The following LCE1B variants were observed in gnomAD, a reference collection of about 807,000 sequenced individuals.
LCE1B encodes late cornified envelope protein 1B.
For missense variants in LCE1B, 151 were observed against 147.2 expected (o/e 1.03, Z -0.14); for synonymous variants, 56 against 55.9 (o/e 1.00, Z -0.01).
rs754226129 is a variant in LCE1B at position 152,812,537 on chromosome 1, C to T, written c.91C>T (p.Pro31Ser). 6.2e-7 allele frequency: 1 copy of T among 1,614,056 alleles called. No individual in the cohort carries two copies. Among genetic ancestry groups the T allele is most frequent in the Non-Finnish European group, 8.5e-7 (1 of 1,180,000 alleles). The change falls in exon 1 of 1, where the codon CCA becomes TCA. Residue 31 changes from proline (P) to serine (S), a missense_variant. Coordinates refer to ENST00000360090, the MANE Select transcript of LCE1B (RefSeq NM_178349.2). ...CAAGTGCCTCACCCCTAGATGCCCCCCAAAGTGTCCCCCTAAGTGTCCTCC... is the reference window on the plus strand; with the variant it reads ...CAAGTGCCTCACCCCTAGATGCCCCTCAAAGTGTCCCCCTAAGTGTCCTCC... ...PPKCLTPRCP[P>S]KCPPKCPPVS...
chr1:152,812,876 G>T lies in LCE1B; in HGVS notation c.*73G>T. ...CCGTCTTCCTTCTCCTTCTGGGCCT[G>T]CCCATGTTGTTGAGAGGTCTTGGTG... On this transcript the variant is annotated 3_prime_UTR_variant, in exon 1 of 1. Transcript: ENST00000360090. The T allele has an allele frequency of 1.3e-6, 2 of 1,500,498 alleles. No individual in the cohort carries two copies. The highest frequency in any genetic ancestry group is 1.8e-6 in the Non-Finnish European group (2 of 1,116,892). The allele number at this position is 1,500,498 out of a possible 1,614,324, so 92.9% of individuals were successfully genotyped here.
chr1:152,812,330 C>A lies in LCE1B; in HGVS notation c.-117C>A. 2 of 978,268 alleles carry A rather than the reference C, an allele frequency of 2.0e-6. No individual in the cohort carries two copies. The highest frequency in any genetic ancestry group is 3.2e-6 in the Non-Finnish European group (2 of 615,406). The allele number at this position is 978,268 out of a possible 1,614,324, so 60.6% of individuals were successfully genotyped here. On this transcript the variant is annotated 5_prime_UTR_variant, in exon 1 of 1. Coordinates refer to ENST00000360090, the MANE Select transcript of LCE1B (RefSeq NM_178349.2). Reference sequence around the variant, plus strand: ...TTAGCTACAACTACACTAAGCAGTTCATCAAAATGTAGGGATTAGAAATGA... The same window carrying A: ...TTAGCTACAACTACACTAAGCAGTTAATCAAAATGTAGGGATTAGAAATGA...
In LCE1B at chr1:152,812,520, T is replaced by A; in HGVS notation, c.74T>A (p.Leu25His). Residue 25 changes from leucine (L) to histidine (H), a missense_variant, in exon 1 of 1, where the codon CTC becomes CAC. Transcript: ENST00000360090. ...ATCCCCAAGTGCCCTCCCAAGTGCC[T>A]CACCCCTAGATGCCCCCCAAAGTGT... ...KCIPKCPPKCLTPRCPPKCPP... is the reference protein window; with the variant it reads ...KCIPKCPPKCHTPRCPPKCPP... 1 of 1,613,792 alleles carries A rather than the reference T, an allele frequency of 6.2e-7. No individual in the cohort carries two copies. The highest frequency in any genetic ancestry group is 8.5e-7 in the Non-Finnish European group (1 of 1,179,980).
rs1166463922 is a variant in LCE1B, at chr1:152,813,094, C to G, written c.*291C>G. ...TCAGCCTGATGTGAAACAATAAAAC[C>G]AGAAATATGCATTCCTTTTTGCCTT... On this transcript the variant is annotated 3_prime_UTR_variant, in exon 1 of 1. Transcript: ENST00000360090. The G allele has an allele frequency of 4.8e-6, 2 of 420,180 alleles. No individual in the cohort carries two copies. The highest frequency in any genetic ancestry group is 6.7e-5 in the South Asian group (1 of 14,888). 26.0% of individuals were successfully genotyped at this position (420,180 alleles called of 1,614,324 possible). A position where few individuals can be genotyped will look rare whatever the true frequency, so the allele number is the denominator to read the frequency against.
chr1:152,813,101 A>C lies in LCE1B; in HGVS notation c.*298A>C. 5 of 395,394 alleles carry C rather than the reference A, an allele frequency of 1.3e-5. No individual in the cohort carries two copies. The highest frequency in any genetic ancestry group is 4.3e-5 in the East Asian group (1 of 23,384). The allele number at this position is 395,394 out of a possible 1,614,324, so 24.5% of individuals were successfully genotyped here. A position where few individuals can be genotyped will look rare whatever the true frequency, so the allele number is the denominator to read the frequency against. The stretch of plus-strand genomic sequence containing the variant: ...GATGTGAAACAATAAAACCAGAAAT[A>C]TGCATTCCTTTTTGCCTTGACTGAT... On this transcript the variant is annotated 3_prime_UTR_variant, in exon 1 of 1. Coordinates refer to ENST00000360090, the MANE Select transcript of LCE1B (RefSeq NM_178349.2).
rs1327094593 is a variant in LCE1B at position 152,812,278 on chromosome 1, A to T, written c.-169A>T. On this transcript the variant is annotated 5_prime_UTR_variant, in exon 1 of 1. Coordinates refer to ENST00000360090, the MANE Select transcript of LCE1B (RefSeq NM_178349.2). ...CTATAAGTGTGTTTAGCCAACTATT[A>T]GACACAATGAAACTTCCCGTGATTA... 2 of 686,188 alleles carry T rather than the reference A, an allele frequency of 2.9e-6. No individual in the cohort carries two copies. The highest frequency in any genetic ancestry group is 5.2e-6 in the Non-Finnish European group (2 of 386,390). The allele number at this position is 686,188 out of a possible 1,614,324, so 42.5% of individuals were successfully genotyped here.
At position 152,812,833 on chromosome 1, in the gene LCE1B, T is replaced by A. The variant is rs1652536669; in HGVS notation, c.*30T>A. The A allele has an allele frequency of 6.5e-7, 1 of 1,546,700 alleles. No homozygotes were observed. The highest frequency in any genetic ancestry group is 1.4e-5 in the African/African-American group (1 of 72,326). On this transcript the variant is annotated 3_prime_UTR_variant, in exon 1 of 1. Transcript: ENST00000360090. The stretch of plus-strand genomic sequence containing the variant: ...GATCCTGAGCCTAGAAGAACACAAA[T>A]GGCCAAATATTTCCCTTCCGTCTTC...
In LCE1B at chr1:152,812,772, G is replaced by A; in HGVS notation, c.326G>A (p.Gly109Glu). The A allele has an allele frequency of 6.2e-7, 1 of 1,611,584 alleles. No homozygotes were observed. The change falls in exon 1 of 1, where the codon GGG becomes GAG. Residue 109 changes from glycine (G) to glutamate (E), a missense_variant. By Grantham distance (98) the Gly-to-Glu change is moderately conservative. Transcript: ENST00000360090. ...GGGGGCTCCAGCTGCTGTGGAGGAGGGAGTGGCCAGCACTCTGGAGGCTGC... is the reference window on the plus strand; with the variant it reads ...GGGGGCTCCAGCTGCTGTGGAGGAGAGAGTGGCCAGCACTCTGGAGGCTGC... Reference protein sequence around the residue: ...PSGGSSCCGGGSGQHSGGCC With the variant: ...PSGGSSCCGGESGQHSGGCC
rs1281195805 is a variant in LCE1B at position 152,812,404 on chromosome 1, T to C, written c.-43T>C. The C allele has an allele frequency of 6.3e-7, 1 of 1,597,470 alleles. No individual in the cohort carries two copies. The highest frequency in any genetic ancestry group is 1.3e-5 in the African/African-American group (1 of 74,630). On this transcript the variant is annotated 5_prime_UTR_variant, in exon 1 of 1. Coordinates refer to ENST00000360090, the MANE Select transcript of LCE1B (RefSeq NM_178349.2). ...GGGGTGGCCTCTACCTGGGTCTAAC[T>C]TGCTGTCTGACTCTCTCTCAGCTCC...
chr1:152,812,260 T>G lies in LCE1B; in HGVS notation c.-187T>G. The G allele has an allele frequency of 1.6e-6, 1 of 633,786 alleles. No individual in the cohort carries two copies. The highest frequency in any genetic ancestry group is 2.9e-6 in the Non-Finnish European group (1 of 350,164). The allele number at this position is 633,786 out of a possible 1,614,324, so 39.3% of individuals were successfully genotyped here. A position where few individuals can be genotyped will look rare whatever the true frequency, so the allele number is the denominator to read the frequency against. On this transcript the variant is annotated 5_prime_UTR_variant, in exon 1 of 1. Coordinates refer to ENST00000360090, the MANE Select transcript of LCE1B (RefSeq NM_178349.2). Reference sequence around the variant, plus strand: ...TTAGGTTCAAAACAGAGGCTATAAGTGTGTTTAGCCAACTATTAGACACAA... The same window carrying G: ...TTAGGTTCAAAACAGAGGCTATAAGGGTGTTTAGCCAACTATTAGACACAA...
rs1430804203 is a variant in LCE1B at position 152,812,134 on chromosome 1, T to C, written c.-313T>C. 2.7e-6 allele frequency: 1 copy of C among 371,256 alleles called. No individual in the cohort carries two copies. The highest frequency in any genetic ancestry group is 4.1e-5 in the Admixed American group (1 of 24,520). The allele number at this position is 371,256 out of a possible 1,614,324, so 23.0% of individuals were successfully genotyped here. On this transcript the variant is annotated 5_prime_UTR_variant, in exon 1 of 1. It removes an upstream start codon present in the reference 5' UTR. Coordinates refer to ENST00000360090, the MANE Select transcript of LCE1B (RefSeq NM_178349.2). ...CAGAATGTCTCCTCTACATACTACA[T>C]GCTTGATTTTGAGAATACTTTCTTA...
At position 152,812,604 on chromosome 1, in the gene LCE1B, G is replaced by T. The variant is rs765637924; in HGVS notation, c.158G>T (p.Gly53Val). 2 of 1,612,644 alleles carry T rather than the reference G, an allele frequency of 1.2e-6. No homozygotes were observed. Among genetic ancestry groups the T allele is most frequent in the African/African-American group, 1.4e-5 (1 of 73,898 alleles). Residue 53 changes from glycine to valine, a missense_variant, in exon 1 of 1, where the codon GGC becomes GTC. Physicochemically the swap from Gly to Val is moderately radical, Grantham distance 109. Transcript: ENST00000360090. ...CCSVSSGGCCGSSSGGSCGSS... is the reference protein window; with the variant it reads ...CCSVSSGGCCVSSSGGSCGSS... ...AGTGTCAGCTCCGGAGGCTGCTGTG[G>T]CTCCAGCTCTGGGGGAAGCTGTGGC...
Position 152,812,538 on chromosome 1 carries a change from C to T in LCE1B, c.92C>T (p.Pro31Leu), listed in dbSNP as rs1239762704. 3.1e-6 allele frequency: 5 copies of T among 1,614,006 alleles called. No homozygotes were observed. The highest frequency in any genetic ancestry group is 2.7e-5 in the African/African-American group (2 of 74,908). ...AAGTGCCTCACCCCTAGATGCCCCC[C>T]AAAGTGTCCCCCTAAGTGTCCTCCA... is the stretch of plus-strand genomic sequence containing the variant. ...PPKCLTPRCP[P>L]KCPPKCPPVS... The change falls in exon 1 of 1, where the codon CCA (proline) becomes CTA (leucine). Residue 31 changes from proline (P) to leucine (L), a missense_variant. Coordinates refer to ENST00000360090, the MANE Select transcript of LCE1B (RefSeq NM_178349.2).
Position 152,812,806 on chromosome 1 carries a change from T to G in LCE1B, c.*3T>G, listed in dbSNP as rs1652535984. The G allele has an allele frequency of 6.3e-7, 1 of 1,588,170 alleles. No homozygotes were observed. The highest frequency in any genetic ancestry group is 8.6e-7 in the Non-Finnish European group (1 of 1,168,612). On this transcript the variant is annotated 3_prime_UTR_variant, in exon 1 of 1. Coordinates refer to ENST00000360090, the MANE Select transcript of LCE1B (RefSeq NM_178349.2). ...AGCACTCTGGAGGCTGCTGCTAAAG[T>G]GGATCCTGAGCCTAGAAGAACACAA...
Position 152,812,591 on chromosome 1 carries a change from G to A in LCE1B, c.145G>A (p.Gly49Arg), listed in dbSNP as rs367907198. 36 of 1,613,890 alleles carry A rather than the reference G, an allele frequency of 2.2e-5. No individual in the cohort carries two copies. Among genetic ancestry groups the A allele is most frequent in the African/African-American group, 1.1e-4 (8 of 74,860 alleles). The part of the protein sequence containing the change: ...PVSSCCSVSS[G>R]GCCGSSSGGS... ...CTCTTCCTGCTGCAGTGTCAGCTCC[G>A]GAGGCTGCTGTGGCTCCAGCTCTGG... The change falls in exon 1 of 1, where the codon GGA becomes AGA. Residue 49 changes from glycine (G) to arginine (R), a missense_variant. Coordinates refer to ENST00000360090, the MANE Select transcript of LCE1B (RefSeq NM_178349.2).
Position 152,812,296 on chromosome 1 carries a change from C to T in LCE1B, c.-151C>T, listed in dbSNP as rs531045796. On this transcript the variant is annotated 5_prime_UTR_variant, in exon 1 of 1. Coordinates refer to ENST00000360090, the MANE Select transcript of LCE1B (RefSeq NM_178349.2). The stretch of plus-strand genomic sequence containing the variant: ...AACTATTAGACACAATGAAACTTCC[C>T]GTGATTAATTAGCTACAACTACACT... 7 of 771,262 alleles carry T rather than the reference C, an allele frequency of 9.1e-6. No homozygotes were observed. The highest frequency in any genetic ancestry group is 8.3e-5 in the South Asian group (5 of 60,024). 47.8% of individuals were successfully genotyped at this position (771,262 alleles called of 1,614,324 possible). A position where few individuals can be genotyped will look rare whatever the true frequency, so the allele number is the denominator to read the frequency against.
In LCE1B at chr1:152,812,153, T is replaced by G. The variant is rs1570867359; in HGVS notation, c.-294T>G. On this transcript the variant is annotated 5_prime_UTR_variant, in exon 1 of 1. Coordinates refer to ENST00000360090, the MANE Select transcript of LCE1B (RefSeq NM_178349.2). ...ACTACATGCTTGATTTTGAGAATACTTTCTTAATATCTTTTGGCTTCGGTT... is the reference window on the plus strand; with the variant it reads ...ACTACATGCTTGATTTTGAGAATACGTTCTTAATATCTTTTGGCTTCGGTT... The G allele has an allele frequency of 4.7e-6, 2 of 424,042 alleles. No individual in the cohort carries two copies. The highest frequency in any genetic ancestry group is 8.8e-5 in the East Asian group (2 of 22,618). 26.3% of individuals were successfully genotyped at this position (424,042 alleles called of 1,614,324 possible). A position where few individuals can be genotyped will look rare whatever the true frequency, so the allele number is the denominator to read the frequency against.
chr1:152,812,613 C>G lies in LCE1B; in HGVS notation c.167C>G (p.Ser56Cys), dbSNP rs763223529. 2.2e-5 allele frequency: 36 copies of G among 1,612,650 alleles called. No homozygotes were observed. The highest frequency in any genetic ancestry group is 2.8e-5 in the Non-Finnish European group (33 of 1,179,816). Residue 56 changes from serine to cysteine, a missense_variant, in exon 1 of 1, where the codon TCT (serine) becomes TGT (cysteine). Coordinates refer to ENST00000360090, the MANE Select transcript of LCE1B (RefSeq NM_178349.2). ...VSSGGCCGSS[S>C]GGSCGSSSGG... ...TCCGGAGGCTGCTGTGGCTCCAGCT[C>G]TGGGGGAAGCTGTGGCTCCAGCTCT... is the stretch of plus-strand genomic sequence containing the variant.
In LCE1B at chr1:152,812,595, G is replaced by C; in HGVS notation, c.149G>C (p.Gly50Ala). 6.2e-7 allele frequency: 1 copy of C among 1,614,100 alleles called. No homozygotes were observed. The change falls in exon 1 of 1, where the codon GGC (glycine) becomes GCC (alanine). Residue 50 changes from glycine to alanine, a missense_variant. Physicochemically the swap from Gly to Ala is moderately conservative, Grantham distance 60. Coordinates refer to ENST00000360090, the MANE Select transcript of LCE1B (RefSeq NM_178349.2). ...TCCTGCTGCAGTGTCAGCTCCGGAGGCTGCTGTGGCTCCAGCTCTGGGGGA... is the reference window on the plus strand; with the variant it reads ...TCCTGCTGCAGTGTCAGCTCCGGAGCCTGCTGTGGCTCCAGCTCTGGGGGA... ...VSSCCSVSSG[G>A]CCGSSSGGSC...
Sources: gnomAD v4.1 joint callset for allele counts on GRCh38, gnomAD v4.1.1 for gene constraint, MANE v1.5 for transcripts, NCBI Gene and HGNC (gene_info 2026-07-23, HGNC 2026-07-21) for gene names.